Variants in NRXN1 observed in about 807,000 individuals in gnomAD.
NRXN1 encodes the protein neurexin-1.
Under a neutral mutation model 150.9 loss-of-function variants are expected in NRXN1, and 39 were observed. That is an observed-to-expected ratio of 0.26 (90% CI 0.20 to 0.34). The LOEUF is 0.34. NRXN1 is among the 10% of genes least tolerant of loss of function. The pLI is 1.00. For synonymous variants in NRXN1, 924 were observed against 757.0 expected (o/e 1.22, Z -3.62); for missense variants, 1,815 against 1,949.9 (o/e 0.93, Z 1.30).
intron 17 of NRXN1, among the ~76,000 whole-genome samples, chr2:50,386,247 G>A (rs1355179397): frequency 6.6e-6 from 1 of 152,016 alleles, no homozygotes; most frequent in Non-Finnish European, 1.5e-5. Context: ...ATTTGACAGA[G>A]ATAAAGTTAA....
At chr2:50,613,483 T>C (rs1201998539) in intron 8 of NRXN1, among the ~76,000 whole-genome samples, 1 of 152,222 alleles carries the variant, frequency 6.6e-6, no homozygotes, top group Non-Finnish European at 1.5e-5. Context: ...GAAACACTTT[T>C]AATATAAAAG....
chr2:50,496,609 G>A (rs1440501447), intron 14 of NRXN1, among the ~76,000 whole-genome samples: 1 of 152,144 alleles, frequency 6.6e-6, no homozygotes, highest in Non-Finnish European at 1.5e-5. Flanking sequence ...CAAGAAACAT[G>A]TCACAGTGCT....
intron 18 of NRXN1, among the ~76,000 whole-genome samples, chr2:50,204,191 G>A (rs778987359): frequency 4.6e-5 from 7 of 152,056 alleles, no homozygotes; most frequent in Non-Finnish European, 7.4e-5. Context: ...AAATTGTAGA[G>A]CTGGGATAAT....
intron 21 of NRXN1, among the ~76,000 whole-genome samples, chr2:49,978,481 C>T (rs552583612): frequency 2.2e-4 from 34 of 152,196 alleles, no homozygotes; most frequent in African/African-American, 7.7e-4. Flanking sequence ...GGTGCTTTTC[C>T]TCCTGGGACT....
intron 5 of NRXN1, among the ~76,000 whole-genome samples, chr2:50,732,750 C>T (rs1698255883): frequency 6.6e-6 from 1 of 152,058 alleles, no homozygotes; most frequent in Non-Finnish European, 1.5e-5. Context: ...CCTTGTTGTC[C>T]ACCACTTCTA....
chr2:50,517,386 G>A (rs911497994), intron 12 of NRXN1, among the ~76,000 whole-genome samples: 1 of 142,504 alleles, frequency 7.0e-6, no homozygotes, highest in African/African-American at 2.6e-5. Flanking sequence ...TTTGTTGAAT[G>A]GGTTTATTTG....
Position 50,620,040 on chromosome 2 carries a change from A to T in NRXN1, c.1302T>A (p.Phe434Leu). The part of the protein sequence containing the change: ...DLPGSPVSNN[F>L]MGCLKEVVYK... The stretch of plus-strand genomic sequence containing the variant: ...TATTTACCTCTTTGAGACAGCCCAT[A>T]AAGTTGTTACTGACTGGTGACCCTG... Residue 434 changes from phenylalanine to leucine, a missense_variant, in exon 8 of 23, where the codon TTT (phenylalanine) becomes TTA (leucine). Around this residue, in one of 6 missense-constraint regions of NRXN1, gnomAD observed 638 missense variants for 652.6 expected, o/e 0.98. Transcript: ENST00000401669. 6.2e-7 allele frequency: 1 copy of T among 1,606,698 alleles called. No homozygotes were observed. The highest frequency in any genetic ancestry group is 1.7e-4 in the Middle Eastern group (1 of 5,998).
intron 21 of NRXN1, among the ~76,000 whole-genome samples, chr2:50,046,917 T>C (rs1691897757): frequency 6.6e-6 from 1 of 152,164 alleles, no homozygotes; most frequent in Non-Finnish European, 1.5e-5. Flanking sequence ...GAGTAATACA[T>C]GATACAAAAC....
chr2:50,490,096 A>G (rs2091160357), intron 15 of NRXN1, among the ~76,000 whole-genome samples: 1 of 152,216 alleles, frequency 6.6e-6, no homozygotes, highest in East Asian at 1.9e-4. Context: ...TGTGTAAGGA[A>G]AGGAGTAACA....
chr2:50,495,146 T>C (rs1056990323), intron 15 of NRXN1, among the ~76,000 whole-genome samples: 1 of 152,152 alleles, frequency 6.6e-6, no homozygotes, highest in Non-Finnish European at 1.5e-5. Context: ...ATGCCTGTTG[T>C]AGTGTTAAAT....
At chr2:50,241,094 T>C (rs2065958940) in intron 17 of NRXN1, among the ~76,000 whole-genome samples, 1 of 151,648 alleles carries the variant, frequency 6.6e-6, no homozygotes, top group South Asian at 2.1e-4. Flanking sequence ...TATCATTATT[T>C]ATGTTCAGTA....
At chr2:50,234,779 A>G (rs2065265230) in intron 18 of NRXN1, among the ~76,000 whole-genome samples, 1 of 152,030 alleles carries the variant, frequency 6.6e-6, no homozygotes, top group Non-Finnish European at 1.5e-5. Flanking sequence ...ACTGAATCCA[A>G]AGAGAACGAC....
At chr2:50,589,037 G>C (rs192807521) in intron 8 of NRXN1, 1 of 152,082 alleles carries the variant, frequency 6.6e-6, no homozygotes, top group Non-Finnish European at 1.5e-5. Context: ...CCCGAAGCCC[G>C]GTAGGATGAG....
intron 5 of NRXN1, among the ~76,000 whole-genome samples, chr2:50,737,084 C>T (rs1041536138): frequency 4.6e-5 from 7 of 151,610 alleles, no homozygotes; most frequent in South Asian, 2.1e-4. Context: ...ATGATGAAAC[C>T]CCATCCCTAC....
At chr2:50,803,600 T>G (rs565952733) in intron 5 of NRXN1, among the ~76,000 whole-genome samples, 4 of 152,278 alleles carry the variant, frequency 2.6e-5, no homozygotes, top group Admixed American at 1.3e-4. Context: ...TTCTCTTCCT[T>G]GGCAGAAAAA....
intron 18 of NRXN1, among the ~76,000 whole-genome samples, chr2:50,104,603 T>A (rs780582101): frequency 6.6e-6 from 1 of 152,064 alleles, no homozygotes; most frequent in Admixed American, 6.6e-5. Flanking sequence ...TGTCAGACAC[T>A]CCTTCTAAGC....
chr2:51,025,683 A>G (rs1670332243), intron 2 of NRXN1, among the ~76,000 whole-genome samples: 1 of 152,222 alleles, frequency 6.6e-6, no homozygotes, highest in Admixed American at 6.5e-5. Context: ...GTGCAAAAGT[A>G]TGCAACTTCA....
chr2:50,306,174 T>G (rs908510696), intron 17 of NRXN1, among the ~76,000 whole-genome samples: 1 of 152,192 alleles, frequency 6.6e-6, no homozygotes, highest in Non-Finnish European at 1.5e-5. Context: ...GTTAAGTAAC[T>G]GAAAATGGGA....
chr2:50,513,051 G>T (rs2092511441), intron 12 of NRXN1, among the ~76,000 whole-genome samples: 1 of 152,126 alleles, frequency 6.6e-6, no homozygotes, highest in Admixed American at 6.5e-5. Flanking sequence ...TTAGGCTTGG[G>T]TATGTTAGCT....
Sources: gnomAD v4.1 joint callset for allele counts (sites outside exome capture counted in the v4.1 genomes callset) on GRCh38, gnomAD v4.1.1 for gene constraint, gnomAD v4.1.1 regional missense constraint, MANE v1.5 for transcripts, NCBI Gene and HGNC (gene_info 2026-07-23, HGNC 2026-07-21) for gene names.